BRAP: variants seen among roughly 807,000 people sequenced by gnomAD.
The protein encoded by BRAP is BRCA1-associated protein.
A neutral mutation model predicts 73.4 loss-of-function variants in BRAP; 42 were observed. The observed-to-expected ratio is 0.57, with a 90% CI of 0.45 to 0.74. The LOEUF (loss-of-function observed/expected upper bound fraction) is 0.74. BRAP is among the 30% of genes least tolerant of loss of function. The probability of loss-of-function intolerance (pLI) is 0.00; values close to 1 mark genes in which losing one functional copy is unlikely to be tolerated. For synonymous variants in BRAP, 255 were observed against 267.4 expected (o/e 0.95, Z 0.45); for missense variants, 593 against 751.4 (o/e 0.79, Z 2.46).
chr12:111,662,325 C>T (rs1268856819), intron 6 of BRAP, among the ~76,000 whole-genome samples: 6 of 151,706 alleles, frequency 4.0e-5, no homozygotes, highest in African/African-American at 1.2e-4. Flanking sequence ...CCTAGGCGGG[C>T]GGATTACCTA....
chr12:111,682,199 A>C (rs1325479073), intron 2 of BRAP, among the ~76,000 whole-genome samples: 1 of 152,146 alleles, frequency 6.6e-6, no homozygotes, highest in African/African-American at 2.4e-5. Context: ...GAGATGTAGT[A>C]CTATCTACAC....
chr12:111,683,631 C>T (rs1222185308), intron 1 of BRAP, among the ~76,000 whole-genome samples: 1 of 152,160 alleles, frequency 6.6e-6, no homozygotes, highest in Non-Finnish European at 1.5e-5. Context: ...ACCTCCACCT[C>T]CCAGGTTCAA....
chr12:111,649,510 C>T (rs777708468), intron 11 of BRAP, among the ~76,000 whole-genome samples: 4 of 152,332 alleles, frequency 2.6e-5, no homozygotes, highest in African/African-American at 9.6e-5. Flanking sequence ...GGAATGTTAT[C>T]GCCATGCTGT....
intron 3 of BRAP, among the ~76,000 whole-genome samples, chr12:111,681,418 T>C (rs1016081953): frequency 2.0e-5 from 3 of 151,800 alleles, no homozygotes; most frequent in Non-Finnish European, 2.9e-5. Flanking sequence ...CTTAAGTGTA[T>C]CCACAAGCAT....
rs1321431300 is a variant in BRAP at position 111,662,028 on chromosome 12, G to A, written c.897-1353C>T. On this transcript the variant is annotated intron_variant, in intron 6 of 11. Coordinates refer to ENST00000419234, the MANE Select transcript of BRAP (RefSeq NM_006768.5). ...AATGCACATGATATCTCACTGCACC[G>A]TGAACATCATGTGGAAGATACCAGT... 1.3e-5 allele frequency among the ~76,000 whole-genome samples: 2 copies of A among 152,096 alleles called. 1 individual carries two copies. The highest frequency in any genetic ancestry group is 4.1e-4 in the South Asian group (2 of 4,824).
Position 111,685,696 on chromosome 12 carries a change from G to A in BRAP, c.82+15C>T, listed in dbSNP as rs2135935846. ...GACCCGGCTACAGGGAATGCGGCGA[G>A]GCCGCGGGACTCACCCGCGGCGCTG... On this transcript the variant is annotated intron_variant, in intron 1 of 11. Transcript: ENST00000419234. 2 of 1,598,550 alleles carry A rather than the reference G, an allele frequency of 1.3e-6. No homozygotes were observed. The highest frequency in any genetic ancestry group is 1.1e-5 in the South Asian group (1 of 89,460).
In BRAP at chr12:111,685,932, G is replaced by A. The variant is rs1026458208; in HGVS notation, c.-140C>T. ...GCCGCCTCAGCAGCAGCAGCTCCTC[G>A]AACAGCCCTCGGAGCCACAACAACC... is the stretch of plus-strand genomic sequence containing the variant. On this transcript the variant is annotated 5_prime_UTR_variant, in exon 1 of 12. Transcript: ENST00000419234. 4.3e-6 allele frequency: 2 copies of A among 464,070 alleles called. No individual in the cohort carries two copies. Among genetic ancestry groups the A allele is most frequent in the Admixed American group, 4.6e-5 (1 of 21,808 alleles). 28.7% of individuals were successfully genotyped at this position (464,070 alleles called of 1,614,324 possible).
intron 6 of BRAP, among the ~76,000 whole-genome samples, chr12:111,661,258 G>A (rs1384428061): frequency 6.7e-6 from 1 of 149,818 alleles, no homozygotes; most frequent in African/African-American, 2.5e-5. Context: ...GATTACAGGT[G>A]TGAGCCACAG....
At chr12:111,666,047 C>T (rs888710987) in intron 5 of BRAP, among the ~76,000 whole-genome samples, 3 of 152,162 alleles carry the variant, frequency 2.0e-5, no homozygotes, top group Non-Finnish European at 2.9e-5. Context: ...GCTTTTTTGA[C>T]TCCTGGCAGG....
At position 111,643,910 on chromosome 12, in the gene BRAP, A is replaced by G; in HGVS notation, c.*289T>C. The G allele has an allele frequency of 2.6e-6, 1 of 379,288 alleles. No individual in the cohort carries two copies. The highest frequency in any genetic ancestry group is 4.8e-6 in the Non-Finnish European group (1 of 209,894). The allele number at this position is 379,288 out of a possible 1,614,324, so 23.5% of individuals were successfully genotyped here. On this transcript the variant is annotated 3_prime_UTR_variant, in exon 12 of 12. Transcript: ENST00000419234. ...CCAACTCCATAAATACAATGGAAAA[A>G]TGCACAGCAGAGTTGGGGCTTCTAC...
chr12:111,660,173 C>T (rs1886692716), intron 7 of BRAP, among the ~76,000 whole-genome samples: 2 of 151,308 alleles, frequency 1.3e-5, no homozygotes, highest in Admixed American at 6.6e-5. Flanking sequence ...TTTTATGGGT[C>T]ATTTTTTTTT....
chr12:111,673,549 T>C (rs73418393), intron 4 of BRAP, among the ~76,000 whole-genome samples: 3,941 of 148,868 alleles, frequency 0.026, 184 homozygotes, highest in African/African-American at 0.09. Flanking sequence ...TCAGCACTTA[T>C]GTTAGAAAAA....
chr12:111,666,383 ATAACT>A (rs1206105880), intron 5 of BRAP, among the ~76,000 whole-genome samples: 1 of 152,254 alleles, frequency 6.6e-6, no homozygotes, highest in East Asian at 1.9e-4. Context: ...AGAGTAAGTT[ATAACT>A]TAACACTTTC....
intron 6 of BRAP, 121 bp from the exon 7 acceptor site, chr12:111,660,796 C>A: frequency 3.2e-6 from 2 of 629,594 alleles, no homozygotes; most frequent in South Asian, 2.8e-5. Flanking sequence ...TTTATCATAA[C>A]TAAGGATATC....
chr12:111,682,441 C>T (rs1431044664), intron 2 of BRAP, among the ~76,000 whole-genome samples: 2 of 133,192 alleles, frequency 1.5e-5, no homozygotes, highest in Non-Finnish European at 3.1e-5. Flanking sequence ...GGTGGAGTTG[C>T]AGTAAGCCGA....
chr12:111,660,021 C>T (rs1204802377), intron 7 of BRAP, among the ~76,000 whole-genome samples: 1 of 151,472 alleles, frequency 6.6e-6, no homozygotes, highest in Non-Finnish European at 1.5e-5. Context: ...TTACAGTGAA[C>T]TATGATCATG....
At chr12:111,681,121 G>A (rs1289046864) in intron 3 of BRAP, among the ~76,000 whole-genome samples, 2 of 152,094 alleles carry the variant, frequency 1.3e-5, no homozygotes, top group Non-Finnish European at 2.9e-5. Flanking sequence ...TGTAATCCCA[G>A]CACTTTGGGA....
In BRAP at chr12:111,683,269, G is replaced by C. The variant is rs1299353030; in HGVS notation, c.121C>G (p.Leu41Val). The C allele has an allele frequency of 1.2e-6, 2 of 1,613,084 alleles. No homozygotes were observed. Among genetic ancestry groups the C allele is most frequent in the Admixed American group, 3.4e-5 (2 of 59,638 alleles). The change falls in exon 2 of 12, where the codon CTA becomes GTA. Residue 41 changes from leucine (L) to valine (V), a missense_variant. Coordinates refer to ENST00000419234, the MANE Select transcript of BRAP (RefSeq NM_006768.5). ...TCTAAACAGGCTACAGCTGAGGCTA[G>C]TGTCGTCTTTTTTATCTCCTCATCA... ...MSDEEIKKTTLASAVACLEGK... is the reference protein window; with the variant it reads ...MSDEEIKKTTVASAVACLEGK...
chr12:111,685,925 G>A lies in BRAP; in HGVS notation c.-133C>T, dbSNP rs983899745. On this transcript the variant is annotated 5_prime_UTR_variant, in exon 1 of 12. Coordinates refer to ENST00000419234, the MANE Select transcript of BRAP (RefSeq NM_006768.5). The stretch of plus-strand genomic sequence containing the variant: ...AGTTGCCGCCGCCTCAGCAGCAGCA[G>A]CTCCTCGAACAGCCCTCGGAGCCAC... The A allele has an allele frequency of 2.0e-6, 1 of 490,192 alleles. No individual in the cohort carries two copies. The highest frequency in any genetic ancestry group is 4.6e-5 in the Admixed American group (1 of 21,902). The allele number at this position is 490,192 out of a possible 1,614,324, so 30.4% of individuals were successfully genotyped here. A position where few individuals can be genotyped will look rare whatever the true frequency, so the allele number is the denominator to read the frequency against.
Sources: allele counts gnomAD v4.1 joint callset (sites outside exome capture counted in the v4.1 genomes callset), GRCh38; gene constraint gnomAD v4.1.1; transcripts MANE v1.5; gene names NCBI Gene and HGNC (gene_info 2026-07-23, HGNC 2026-07-21).